SORCS2: variants seen among roughly 807,000 people sequenced by gnomAD.
The protein encoded by SORCS2 is VPS10 domain-containing receptor SorCS2.
SORCS2 carries 100 observed loss-of-function variants against 141.6 expected under a neutral mutation model. The observed-to-expected ratio is 0.71, with a 90% CI of 0.60 to 0.83. The LOEUF (loss-of-function observed/expected upper bound fraction) is 0.83, where lower values mean the gene tolerates loss of function less well. Ranked by LOEUF, SORCS2 falls within the 40% of genes least tolerant of loss-of-function variation. SORCS2 has a pLI of 0.00. For synonymous variants in SORCS2, 789 were observed against 676.9 expected (o/e 1.17, Z -2.57); for missense variants, 1,646 against 1,560.2 (o/e 1.05, Z -0.93).
chr4:7,696,664 A>C (rs1465619689), intron 11 of SORCS2, among the ~76,000 whole-genome samples: 1 of 152,178 alleles, frequency 6.6e-6, no homozygotes, highest in Non-Finnish European at 1.5e-5. Flanking sequence ...CTGCACCCCC[A>C]GTTGGTTTGG....
chr4:7,640,350 G>C lies in SORCS2; in HGVS notation c.813+1858G>C, dbSNP rs181998505. On this transcript the variant is annotated intron_variant, in intron 4 of 26. Transcript: ENST00000507866. ...CATGTGTGGGTGTGTGAGAGTGTGAGAGCCTATGTGAGCATGTGTGAATGT... is the reference window on the plus strand; with the variant it reads ...CATGTGTGGGTGTGTGAGAGTGTGACAGCCTATGTGAGCATGTGTGAATGT... Among the ~76,000 whole-genome samples, 1,256 of 151,078 alleles carry C rather than the reference G, an allele frequency of 8.3e-3. 29 individuals carry two copies. Among genetic ancestry groups the C allele is most frequent in the African/African-American group, 0.03 (1,217 of 41,066 alleles).
Position 7,561,013 on chromosome 4 carries a change from G to T in SORCS2, c.648+29384G>T, listed in dbSNP as rs151283366. Among the ~76,000 whole-genome samples, 17 of 152,258 alleles carry T rather than the reference G, an allele frequency of 1.1e-4. No individual in the cohort carries two copies. The East Asian group carries it at 3.1e-3, about 28-fold the overall frequency. On this transcript the variant is annotated intron_variant, in intron 3 of 26. Transcript: ENST00000507866. ...TGGGGACTGCAGTTAATGTATGGGG[G>T]TGGCAGTTGGGGCATCTTGACTGGA...
intron 1 of SORCS2, among the ~76,000 whole-genome samples, chr4:7,274,814 T>C (rs3843438): frequency 0.094 from 14,285 of 152,190 alleles, 856 homozygotes; most frequent in East Asian, 0.2. Context: ...CAGTGTCTTC[T>C]GGGGGAGGGG....
chr4:7,331,263 C>T (rs1321763290), intron 1 of SORCS2, among the ~76,000 whole-genome samples: 2 of 151,938 alleles, frequency 1.3e-5, no homozygotes, highest in Non-Finnish European at 2.9e-5. Flanking sequence ...TGACCTGGGC[C>T]TGGGCTGGGG....
At chr4:7,472,137 G>A (rs531112840) in intron 2 of SORCS2, among the ~76,000 whole-genome samples, 6 of 152,338 alleles carry the variant, frequency 3.9e-5, no homozygotes, top group African/African-American at 1.2e-4. Flanking sequence ...CTGTTAGCTC[G>A]TGTCCCTGGC....
intron 3 of SORCS2, among the ~76,000 whole-genome samples, chr4:7,540,520 C>A (rs1490179249): frequency 6.6e-6 from 1 of 152,210 alleles, no homozygotes; most frequent in African/African-American, 2.4e-5. Context: ...TCTGCCCTTG[C>A]GCTTCACGGC....
rs376549941 is a variant in SORCS2, at chr4:7,682,826, C to T, written c.1425C>T (p.Arg475=). 9.5e-5 allele frequency: 153 copies of T among 1,612,920 alleles called. No individual in the cohort carries two copies. The highest frequency in any genetic ancestry group is 3.3e-4 in the Middle Eastern group (2 of 6,084). ...VMTLITYNKG[R]DWDYLRPPSM... is the part of the protein sequence containing the mutation. ...CGCTTATAACCTACAACAAGGGCCG[C>T]GACTGGGATTACCTGAGGCCACCCA... The change falls in exon 10 of 27, where the codon CGC becomes CGT. Residue 475 remains arginine (R), a synonymous_variant. Coordinates refer to ENST00000507866, the MANE Select transcript of SORCS2 (RefSeq NM_020777.3).
At chr4:7,504,925 C>A (rs1367399954) in intron 2 of SORCS2, among the ~76,000 whole-genome samples, 1 of 152,156 alleles carries the variant, frequency 6.6e-6, no homozygotes, top group African/African-American at 2.4e-5. Context: ...GCGCTGATGC[C>A]CCCCGGCCAC....
At chr4:7,517,388 AT>A (rs1353581546) in intron 2 of SORCS2, among the ~76,000 whole-genome samples, 1 of 152,180 alleles carries the variant, frequency 6.6e-6, no homozygotes, top group African/African-American at 2.4e-5. Flanking sequence ...TGTAAATATT[AT>A]CATGCATGTT....
intron 2 of SORCS2, among the ~76,000 whole-genome samples, chr4:7,469,276 A>ATGGTGATGGTGATGG (rs753922268): frequency 1.3e-5 from 2 of 151,622 alleles, no homozygotes; most frequent in African/African-American, 4.9e-5. Context: ...GGTGTTGGTG[A>ATGGTGATGGTGATGG]TGATGATGAT....
intron 1 of SORCS2, among the ~76,000 whole-genome samples, chr4:7,337,934 G>T (rs1054947391): frequency 1.3e-5 from 2 of 152,054 alleles, no homozygotes; most frequent in Non-Finnish European, 1.5e-5. Context: ...GCAAGCCCAG[G>T]GTTCCTCTGC....
chr4:7,238,380 G>A (rs1712442482), intron 1 of SORCS2, among the ~76,000 whole-genome samples: 1 of 152,182 alleles, frequency 6.6e-6, no homozygotes, highest in Admixed American at 6.5e-5. Flanking sequence ...TGAGGCTGTT[G>A]TTAAATTTTT....
chr4:7,289,754 G>A (rs58936414), intron 1 of SORCS2, among the ~76,000 whole-genome samples: 10,987 of 152,294 alleles, frequency 0.072, 1,175 homozygotes, highest in African/African-American at 0.23. Context: ...AAAGCTGTGA[G>A]CTGCAGAGGC....
chr4:7,275,038 CA>C (rs1715402406), intron 1 of SORCS2, among the ~76,000 whole-genome samples: 1 of 152,210 alleles, frequency 6.6e-6, no homozygotes, highest in African/African-American at 2.4e-5. Flanking sequence ...CCTTTTAATG[CA>C]AACACATTGC....
At chr4:7,497,615 T>G (rs1264406582) in intron 2 of SORCS2, among the ~76,000 whole-genome samples, 1 of 152,260 alleles carries the variant, frequency 6.6e-6, no homozygotes, top group African/African-American at 2.4e-5. Context: ...GTCCCTGCTG[T>G]ATGTTGAGCA....
At chr4:7,447,465 G>A (rs1254596320) in intron 2 of SORCS2, among the ~76,000 whole-genome samples, 1 of 152,238 alleles carries the variant, frequency 6.6e-6, no homozygotes, top group Non-Finnish European at 1.5e-5. Context: ...GGGAAGTTCA[G>A]AGCCAGGGTT....
At chr4:7,231,676 G>C (rs1440418368) in intron 1 of SORCS2, among the ~76,000 whole-genome samples, 2 of 152,258 alleles carry the variant, frequency 1.3e-5, no homozygotes, top group Admixed American at 1.3e-4. Flanking sequence ...TCCTGCACCA[G>C]GGGCCAGGCA....
chr4:7,742,615 A>G lies in SORCS2; in HGVS notation c.*2351A>G, dbSNP rs1359798126. ...CTGATACGTTCCCGTCTGTGCACCCATGGAGATCCAGGCGTGGGCCCGTGT... is the reference window on the plus strand; with the variant it reads ...CTGATACGTTCCCGTCTGTGCACCCGTGGAGATCCAGGCGTGGGCCCGTGT... On this transcript the variant is annotated 3_prime_UTR_variant, in exon 27 of 27. Coordinates refer to ENST00000507866, the MANE Select transcript of SORCS2 (RefSeq NM_020777.3). The G allele has an allele frequency of 6.6e-6, 1 of 152,160 alleles. No homozygotes were observed. The highest frequency in any genetic ancestry group is 1.9e-4 in the East Asian group (1 of 5,174). 9.4% of individuals were successfully genotyped at this position (152,160 alleles called of 1,614,324 possible). A position where few individuals can be genotyped will look rare whatever the true frequency, so the allele number is the denominator to read the frequency against.
Position 7,739,270 on chromosome 4 carries a change from T to A in SORCS2, c.3416-930T>A, listed in dbSNP as rs528131825. On this transcript the variant is annotated intron_variant, in intron 26 of 26. Coordinates refer to ENST00000507866, the MANE Select transcript of SORCS2 (RefSeq NM_020777.3). ...CCTACAACTCTAAAGACCCCTCCAC[T>A]GGTCTTGCTCCTGCTGGGGCAGGAG... Among the ~76,000 whole-genome samples the A allele has an allele frequency of 1.1e-3, 160 of 152,104 alleles. 1 individual carries two copies. The highest frequency in any genetic ancestry group is 3.7e-3 in the African/African-American group (152 of 41,506).
Sources: allele counts gnomAD v4.1 joint callset (sites outside exome capture counted in the v4.1 genomes callset), GRCh38; gene constraint gnomAD v4.1.1; transcripts MANE v1.5; gene names NCBI Gene and HGNC (gene_info 2026-07-23, HGNC 2026-07-21).